The following CTTNBP2 variants were observed in gnomAD, a reference collection of about 807,000 sequenced individuals.
CTTNBP2 encodes the protein cortactin binding protein 2, also known as cortactin-binding protein 2.
Under a neutral mutation model 156.9 loss-of-function variants are expected in CTTNBP2, and 108 were observed. That is an observed-to-expected ratio of 0.69 (90% CI 0.59 to 0.81). CTTNBP2 has a LOEUF of 0.81. CTTNBP2 is among the 30% of genes least tolerant of loss of function. The pLI is 0.00. For missense variants in CTTNBP2, 1,924 were observed against 2,035.4 expected, an observed-to-expected ratio of 0.95 and a Z score of 1.05; for synonymous variants, 767 against 751.8, an observed-to-expected ratio of 1.02 and a Z score of -0.33.
chr7:117,771,730 C>T lies in CTTNBP2; in HGVS notation c.2779-4554G>A, dbSNP rs542589923. On this transcript the variant is annotated intron_variant, in intron 8 of 22. Coordinates refer to ENST00000160373, the MANE Select transcript of CTTNBP2 (RefSeq NM_033427.3). ...TTTGGGCCACAGACTCTGCTGGACA[C>T]GGTATATATAAAGATTAAAAAGTAA... Among the ~76,000 whole-genome samples the T allele has an allele frequency of 3.9e-5, 6 of 152,198 alleles. No individual in the cohort carries two copies. The South Asian group carries it at 6.2e-4, about 16-fold the overall frequency.
chr7:117,851,881 G>A (rs1220302184), intron 2 of CTTNBP2, among the ~76,000 whole-genome samples: 2 of 152,080 alleles, frequency 1.3e-5, no homozygotes, highest in Non-Finnish European at 2.9e-5. Context: ...ACTTTTTTAT[G>A]AAAAATGTAT....
At chr7:117,866,118 T>TGAGAAAGA (rs892641157) in intron 1 of CTTNBP2, among the ~76,000 whole-genome samples, 1 of 151,808 alleles carries the variant, frequency 6.6e-6, no homozygotes. Context: ...TCATACAGGC[T>TGAGAAAGA]GAGAAAGAGA....
In CTTNBP2 at chr7:117,812,759, AT is replaced by A. The variant is rs763559815; in HGVS notation, c.190-1771del. ...GCCCTTCACATTTTTCTTAATATTT[AT>A]TCAGTGTAGCAGTTCTTCTCCCACC... On this transcript the variant is annotated intron_variant, in intron 2 of 22. Coordinates refer to ENST00000160373, the MANE Select transcript of CTTNBP2 (RefSeq NM_033427.3). Among the ~76,000 whole-genome samples, 105 of 152,322 alleles carry A rather than the reference AT, an allele frequency of 6.9e-4. No individual in the cohort carries two copies. The Middle Eastern group carries it at 0.01, about 15-fold the overall frequency.
Position 117,757,971 on chromosome 7 carries a change from C to G in CTTNBP2, c.3173-1G>C. On this transcript the variant is annotated splice_acceptor_variant, in intron 10 of 22. Transcript: ENST00000160373. LOFTEE classifies it high-confidence loss of function. ...TGACCCACTGACCACGGCACATTTC[C>G]TAGTTTCAAAAAATGAAATAAAATG... The G allele has an allele frequency of 6.2e-7, 1 of 1,610,138 alleles. No individual in the cohort carries two copies. Among genetic ancestry groups the G allele is most frequent in the Non-Finnish European group, 8.5e-7 (1 of 1,178,264 alleles).
chr7:117,760,358 A>G, intron 10 of CTTNBP2, 77 bp downstream of exon 10: 1 of 1,419,748 alleles, frequency 7.0e-7, no homozygotes, highest in Non-Finnish European at 9.7e-7. Flanking sequence ...CAATGAACTA[A>G]GAATCAGGTT....
chr7:117,725,165 C>T lies in CTTNBP2; in HGVS notation c.4148G>A (p.Gly1383Glu). 6.2e-7 allele frequency: 1 copy of T among 1,613,792 alleles called. No homozygotes were observed. Among genetic ancestry groups the T allele is most frequent in the Non-Finnish European group, 8.5e-7 (1 of 1,180,016 alleles). ...AGGGTGTCTTTTAGCAGTTGTCTGC[C>T]CAAAGCCAGGTTGTCTTTTCACAGA... ...RASVKRQPGF[G>E]QTTAKRHPSQ... The change falls in exon 18 of 23, where the codon GGG becomes GAG. Residue 1383 changes from glycine (G) to glutamate (E), a missense_variant. Transcript: ENST00000160373.
chr7:117,736,395 G>A (rs1003998616), intron 14 of CTTNBP2, among the ~76,000 whole-genome samples: 9 of 152,190 alleles, frequency 5.9e-5, no homozygotes, highest in East Asian at 1.9e-4. Context: ...AGCTGTGACT[G>A]TGCCACTGCA....
At chr7:117,775,614 A>C (rs889421725) in intron 8 of CTTNBP2, among the ~76,000 whole-genome samples, 6 of 149,024 alleles carry the variant, frequency 4.0e-5, no homozygotes, top group Admixed American at 6.8e-5. Context: ...GGCTGAGTGC[A>C]GGTATAACGC....
Position 117,724,690 on chromosome 7 carries a change from G to C in CTTNBP2, c.4304C>G (p.Pro1435Arg), listed in dbSNP as rs200704327. ...HTADFKGGSFPLSIVSSYNTC... is the reference protein window; with the variant it reads ...HTADFKGGSFRLSIVSSYNTC... ...GTTATAACTGGAAACTATGGATAAA[G>C]GGAAACTTCCTCCTTTGAAATCAGC... The change falls in exon 19 of 23, where the codon CCT becomes CGT. Residue 1435 changes from proline (P) to arginine (R), a missense_variant. By Grantham distance (103) the Pro-to-Arg change is moderately radical (BLOSUM62 -2). Transcript: ENST00000160373. 1.2e-5 allele frequency: 20 copies of C among 1,614,186 alleles called. No homozygotes were observed. The highest frequency in any genetic ancestry group is 1.6e-4 in the Middle Eastern group (1 of 6,062).
At chr7:117,768,613 T>C (rs2116706591) in intron 8 of CTTNBP2, among the ~76,000 whole-genome samples, 1 of 141,378 alleles carries the variant, frequency 7.1e-6, no homozygotes, top group Non-Finnish European at 1.5e-5. Context: ...AATATAATAT[T>C]CACATAGAAG....
intron 2 of CTTNBP2, among the ~76,000 whole-genome samples, chr7:117,845,728 G>A (rs970588295): frequency 3.3e-5 from 5 of 152,202 alleles, no homozygotes; most frequent in Admixed American, 1.3e-4. Context: ...ATTACCAAAG[G>A]ATATCCACAG....
rs1398626082 is a variant in CTTNBP2, at chr7:117,719,612, C to T, written c.4536G>A (p.Leu1512=). The change falls in exon 21 of 23, where the codon CTG becomes CTA. Residue 1512 remains leucine (L), a synonymous_variant. Coordinates refer to ENST00000160373, the MANE Select transcript of CTTNBP2 (RefSeq NM_033427.3). ...KQKSLENDLS[L]TLNLDQRLSL... Reference sequence around the variant, plus strand: ...AGAGTCTCTGATCCAAATTCAACGTCAGTGATAGATCATTCTCTAAAGACC... The same window carrying T: ...AGAGTCTCTGATCCAAATTCAACGTTAGTGATAGATCATTCTCTAAAGACC... 2 of 1,613,592 alleles carry T rather than the reference C, an allele frequency of 1.2e-6. No individual in the cohort carries two copies.
At chr7:117,713,845 G>C (rs924515873) in intron 22 of CTTNBP2, 1 of 152,186 alleles carries the variant, frequency 6.6e-6, no homozygotes, top group Non-Finnish European at 1.5e-5. Context: ...CTTGGCTAGT[G>C]GTTTGGGAAA....
At chr7:117,803,818 G>A (rs1305210788) in intron 3 of CTTNBP2, among the ~76,000 whole-genome samples, 6 of 151,974 alleles carry the variant, frequency 3.9e-5, no homozygotes, top group Non-Finnish European at 8.8e-5. Flanking sequence ...GGTACCAAAT[G>A]GCATTGAAGA....
chr7:117,791,162 T>C lies in CTTNBP2; in HGVS notation c.2034A>G (p.Pro678=), dbSNP rs529194711. 25 of 1,614,158 alleles carry C rather than the reference T, an allele frequency of 1.5e-5. No individual in the cohort carries two copies. The East Asian group carries it at 5.6e-4, about 36-fold the overall frequency. ...TTACCAGGAGGCTGTCTGAGGCACC[T>C]GGTCTACAGGATGAGGCACTAACGG... is the stretch of plus-strand genomic sequence containing the variant. ...INPVSASSCR[P]GASDSLLVTA... is the part of the protein sequence containing the mutation. The change falls in exon 4 of 23, where the codon CCA becomes CCG. Residue 678 remains proline (P), a synonymous_variant. Coordinates refer to ENST00000160373, the MANE Select transcript of CTTNBP2 (RefSeq NM_033427.3).
At chr7:117,849,529 A>G (rs1477116) in intron 2 of CTTNBP2, among the ~76,000 whole-genome samples, 2,698 of 152,120 alleles carry the variant, frequency 0.018, 49 homozygotes, top group Admixed American at 0.059. Flanking sequence ...AAGCACATAA[A>G]TGCTTCAGCT....
rs191591682 is a variant in CTTNBP2, at chr7:117,846,698, C to T, written c.189+14511G>A. On this transcript the variant is annotated intron_variant, in intron 2 of 22. Transcript: ENST00000160373. ...TTACATTTTACAAAACTGTTATAAACTCAACTCTCATAATTATAATTACTA... is the reference window on the plus strand; with the variant it reads ...TTACATTTTACAAAACTGTTATAAATTCAACTCTCATAATTATAATTACTA... Among the ~76,000 whole-genome samples the T allele has an allele frequency of 1.4e-3, 215 of 152,188 alleles. 1 individual carries two copies. Among genetic ancestry groups the T allele is most frequent in the Middle Eastern group, 3.4e-3 (1 of 292 alleles).
intron 12 of CTTNBP2, among the ~76,000 whole-genome samples, chr7:117,752,465 G>T (rs1796663092): frequency 6.6e-6 from 1 of 152,110 alleles, no homozygotes; most frequent in Non-Finnish European, 1.5e-5. Context: ...ACTCAATTGG[G>T]TTGAATATTT....
intron 10 of CTTNBP2, among the ~76,000 whole-genome samples, chr7:117,759,318 C>A (rs918252169): frequency 6.6e-6 from 1 of 152,018 alleles, no homozygotes; most frequent in Admixed American, 6.6e-5. Context: ...CAGTATGTTG[C>A]CCATGCTGGT....
Sources: gnomAD v4.1 joint callset for allele counts (sites outside exome capture counted in the v4.1 genomes callset) on GRCh38, gnomAD v4.1.1 for gene constraint, MANE v1.5 for transcripts, NCBI Gene and HGNC (gene_info 2026-07-23, HGNC 2026-07-21) for gene names.